Variants in CTNNA3 observed in about 807,000 individuals in gnomAD.
CTNNA3 encodes catenin alpha 3, also known as catenin alpha-3.
CTNNA3 carries 76 observed loss-of-function variants against 95.7 expected under a neutral mutation model. The ratio of observed to expected loss-of-function variants is 0.79; its 90% CI spans 0.66 to 0.96. The LOEUF (loss-of-function observed/expected upper bound fraction) is 0.96. Ranked by LOEUF, CTNNA3 falls within the 40% of genes least tolerant of loss-of-function variation. The pLI, the probability that CTNNA3 is intolerant of heterozygous loss-of-function variation, is 0.00. For synonymous variants in CTNNA3, 431 were observed against 374.4 expected, an observed-to-expected ratio of 1.15 and a Z score of -1.74; for missense variants, 1,191 against 1,089.8, an observed-to-expected ratio of 1.09 and a Z score of -1.31.
At chr10:67,037,002 G>A (rs965406557) in intron 7 of CTNNA3, among the ~76,000 whole-genome samples, 7 of 152,130 alleles carry the variant, frequency 4.6e-5, no homozygotes, top group South Asian at 2.1e-4. Flanking sequence ...AGATGCAGGC[G>A]ATCTAGTCAT....
chr10:67,233,689 C>CA (rs1400415520), intron 5 of CTNNA3, among the ~76,000 whole-genome samples: 3 of 149,504 alleles, frequency 2.0e-5, no homozygotes, highest in East Asian at 2.0e-4. Context: ...AATAGACACA[C>CA]AAAAAACCCT....
chr10:66,129,901 G>A (rs973025445), intron 13 of CTNNA3, among the ~76,000 whole-genome samples: 5 of 151,832 alleles, frequency 3.3e-5, no homozygotes, highest in African/African-American at 7.3e-5. Context: ...TTACTTCCCC[G>A]ACAGTGCACA....
chr10:66,869,108 C>T (rs1400891643), intron 7 of CTNNA3, among the ~76,000 whole-genome samples: 1 of 152,172 alleles, frequency 6.6e-6, no homozygotes, highest in African/African-American at 2.4e-5. Flanking sequence ...GTAACAAATA[C>T]TGACTTTTTA....
At chr10:66,899,984 G>A (rs1227515267) in intron 7 of CTNNA3, among the ~76,000 whole-genome samples, 1 of 152,142 alleles carries the variant, frequency 6.6e-6, no homozygotes, top group African/African-American at 2.4e-5. Context: ...TGACAGCTCT[G>A]AAGAGAGCAG....
intron 12 of CTNNA3, among the ~76,000 whole-genome samples, chr10:66,335,065 T>G (rs1465904798): frequency 6.6e-6 from 1 of 152,108 alleles, no homozygotes; most frequent in Admixed American, 6.5e-5. Context: ...TCTCGTGCCA[T>G]GGTTTTCAGC....
chr10:67,041,099 A>G (rs1854363740), intron 7 of CTNNA3, among the ~76,000 whole-genome samples: 1 of 152,116 alleles, frequency 6.6e-6, no homozygotes, highest in South Asian at 2.1e-4. Flanking sequence ...TTTGGTCCAT[A>G]GAGATGCCAA....
chr10:66,360,945 G>C (rs182557073), intron 12 of CTNNA3, among the ~76,000 whole-genome samples: 26 of 92,844 alleles, frequency 2.8e-4, no homozygotes, highest in South Asian at 6.7e-4. Flanking sequence ...CTCTCTCTCT[G>C]TCTCTCTCTT....
chr10:67,459,333 G>A (rs1034095952), intron 5 of CTNNA3, among the ~76,000 whole-genome samples: 11 of 152,150 alleles, frequency 7.2e-5, no homozygotes, highest in East Asian at 1.9e-4. Flanking sequence ...CATCATGTCC[G>A]AATATCAGGC....
At chr10:66,454,811 AGAGGAGGGG>A (rs1021759662) in intron 11 of CTNNA3, among the ~76,000 whole-genome samples, 10 of 111,670 alleles carry the variant, frequency 9.0e-5, no homozygotes, top group South Asian at 7.1e-4. Context: ...GAGAGGAGGG[AGAGGAGGGG>A]GAGGAGGGGG....
At chr10:67,044,578 T>C (rs1051319262) in intron 7 of CTNNA3, among the ~76,000 whole-genome samples, 1 of 152,194 alleles carries the variant, frequency 6.6e-6, no homozygotes, top group African/African-American at 2.4e-5. Flanking sequence ...GTGATAGCTA[T>C]CCCTCTGTCT....
At chr10:67,112,693 T>A (rs1186527428) in intron 7 of CTNNA3, among the ~76,000 whole-genome samples, 2 of 152,012 alleles carry the variant, frequency 1.3e-5, no homozygotes, top group Non-Finnish European at 2.9e-5. Context: ...AACACTGTAA[T>A]TAATTTTGCA....
chr10:66,031,974 A>G (rs1306690549), intron 15 of CTNNA3, among the ~76,000 whole-genome samples: 2 of 152,186 alleles, frequency 1.3e-5, no homozygotes, highest in Non-Finnish European at 2.9e-5. Flanking sequence ...ACATTGGTAT[A>G]AATTTATGGG....
chr10:65,981,566 C>G (rs554962663), intron 16 of CTNNA3, among the ~76,000 whole-genome samples: 1 of 152,080 alleles, frequency 6.6e-6, no homozygotes, highest in African/African-American at 2.4e-5. Context: ...AAGAAGAAAT[C>G]TGGAGGCATC....
intron 5 of CTNNA3, among the ~76,000 whole-genome samples, chr10:67,261,373 C>A (rs1866599000): frequency 6.6e-6 from 1 of 152,052 alleles, no homozygotes; most frequent in Admixed American, 6.6e-5. Flanking sequence ...TAAAATTAAC[C>A]ATGAAATGTG....
At position 67,158,266 on chromosome 10, in the gene CTNNA3, CA is replaced by C. The variant is rs911102381; in HGVS notation, c.1047+22050del. ...AATTGGAAAGATGATAAATGACCTCCAAAAAAAAAATTATATAATACTATAG... is the reference window on the plus strand; with the variant it reads ...AATTGGAAAGATGATAAATGACCTCCAAAAAAAAATTATATAATACTATAG... On this transcript the variant is annotated intron_variant, in intron 7 of 17. Transcript: ENST00000433211. 1.6e-3 allele frequency among the ~76,000 whole-genome samples: 237 copies of C among 149,004 alleles called. 3 individuals carry two copies. Among genetic ancestry groups the C allele is most frequent in the African/African-American group, 4.9e-3 (201 of 40,654 alleles).
intron 11 of CTNNA3, among the ~76,000 whole-genome samples, chr10:66,427,089 TTTGA>T (rs1427470130): frequency 6.6e-6 from 1 of 151,958 alleles, no homozygotes; most frequent in Non-Finnish European, 1.5e-5. Context: ...GTTGATGTTG[TTTGA>T]TTTTCTATCA....
At chr10:67,210,594 A>T in intron 6 of CTNNA3, among the ~76,000 whole-genome samples, 1 of 151,952 alleles carries the variant, frequency 6.6e-6, no homozygotes, top group Non-Finnish European at 1.5e-5. Flanking sequence ...TGACTCTTTT[A>T]TTGAGGTTTT....
At chr10:67,149,054 G>T (rs955512590) in intron 7 of CTNNA3, among the ~76,000 whole-genome samples, 1 of 152,154 alleles carries the variant, frequency 6.6e-6, no homozygotes, top group Non-Finnish European at 1.5e-5. Flanking sequence ...TAATGTGAAA[G>T]GCAAGAAAAG....
At chr10:67,350,889 C>A (rs1376530979) in intron 5 of CTNNA3, among the ~76,000 whole-genome samples, 1 of 131,526 alleles carries the variant, frequency 7.6e-6, no homozygotes, top group African/African-American at 2.8e-5. Context: ...AAAAAAAAAT[C>A]TGTATGTGAA....
Sources: allele counts gnomAD v4.1 joint callset (sites outside exome capture counted in the v4.1 genomes callset), GRCh38; gene constraint gnomAD v4.1.1; transcripts MANE v1.5; gene names NCBI Gene and HGNC (gene_info 2026-07-23, HGNC 2026-07-21).